Variants in EEF1AKMT1 observed in about 807,000 individuals in gnomAD.
EEF1AKMT1 encodes the protein N-6 adenine-specific DNA methyltransferase 2 (putative).
A neutral mutation model predicts 21.0 loss-of-function variants in EEF1AKMT1; 18 were observed. The observed-to-expected ratio is 0.86, with a 90% CI of 0.59 to 1.27. The LOEUF (loss-of-function observed/expected upper bound fraction) is 1.27, where lower values mean the gene tolerates loss of function less well. EEF1AKMT1 is among the 50% of genes most tolerant of loss of function. The pLI is 0.00. For missense variants in EEF1AKMT1, 246 were observed against 258.6 expected, an observed-to-expected ratio of 0.95 and a Z score of 0.33; for synonymous variants, 109 against 94.8, an observed-to-expected ratio of 1.15 and a Z score of -0.87.
intron 1 of EEF1AKMT1, among the ~76,000 whole-genome samples, chr13:20,759,356 G>C (rs1342534996): frequency 2.0e-5 from 3 of 152,188 alleles, no homozygotes; most frequent in Non-Finnish European, 4.4e-5. Context: ...GAGGCGGGTG[G>C]ATCATGAGGT....
At chr13:20,763,149 G>T (rs914045369) in intron 1 of EEF1AKMT1, among the ~76,000 whole-genome samples, 1 of 151,952 alleles carries the variant, frequency 6.6e-6, no homozygotes, top group Non-Finnish European at 1.5e-5. Context: ...AGGTAATATT[G>T]GTCTCATCAA....
chr13:20,748,233 G>A (rs982723288), intron 2 of EEF1AKMT1, among the ~76,000 whole-genome samples: 5 of 152,104 alleles, frequency 3.3e-5, no homozygotes, highest in African/African-American at 4.8e-5. Context: ...TCAGGAGATT[G>A]AGACCATCTG....
chr13:20,742,623 A>C (rs1049138006), intron 2 of EEF1AKMT1, among the ~76,000 whole-genome samples: 2 of 152,174 alleles, frequency 1.3e-5, no homozygotes, highest in African/African-American at 4.8e-5. Flanking sequence ...TTACACCTTT[A>C]ACTCCATTTG....
chr13:20,745,957 A>T (rs1167585318), intron 2 of EEF1AKMT1, among the ~76,000 whole-genome samples: 1 of 152,254 alleles, frequency 6.6e-6, no homozygotes, highest in African/African-American at 2.4e-5. Context: ...TGAAAACATT[A>T]ATAACACATC....
chr13:20,763,116 T>C (rs547470502), intron 1 of EEF1AKMT1, among the ~76,000 whole-genome samples: 40 of 152,368 alleles, frequency 2.6e-4, no homozygotes, highest in African/African-American at 8.2e-4. Flanking sequence ...TCGGTCTTTG[T>C]ATTGTCTTTG....
At chr13:20,760,123 A>AAAAAGAAGTCAAAAAATAAC (rs1555327133) in intron 1 of EEF1AKMT1, among the ~76,000 whole-genome samples, 1 of 127,468 alleles carries the variant, frequency 7.8e-6, no homozygotes, top group South Asian at 2.6e-4. Flanking sequence ...AAAAAAAAAA[A>AAAAAGAAGTCAAAAAATAAC]AAGTCAAAAA....
intron 2 of EEF1AKMT1, among the ~76,000 whole-genome samples, chr13:20,739,037 G>A (rs867337490): frequency 2.0e-5 from 3 of 152,150 alleles, no homozygotes; most frequent in South Asian, 2.1e-4. Flanking sequence ...ATGTTCAGAC[G>A]TATTCAAAGT....
intron 2 of EEF1AKMT1, among the ~76,000 whole-genome samples, chr13:20,738,438 A>G (rs1196575504): frequency 6.6e-6 from 1 of 152,234 alleles, no homozygotes; most frequent in Non-Finnish European, 1.5e-5. Flanking sequence ...TGGAAGAAGT[A>G]GCATGGTTTT....
intron 2 of EEF1AKMT1, among the ~76,000 whole-genome samples, chr13:20,740,374 C>A (rs2058862622): frequency 6.6e-6 from 1 of 152,270 alleles, no homozygotes; most frequent in African/African-American, 2.4e-5. Context: ...GAGAGGGGCT[C>A]CCACAGTGCA....
intron 2 of EEF1AKMT1, among the ~76,000 whole-genome samples, chr13:20,746,606 T>TA (rs1294826679): frequency 6.6e-6 from 1 of 152,204 alleles, no homozygotes; most frequent in Non-Finnish European, 1.5e-5. Context: ...TCATGCACCG[T>TA]AAGTGGTAAG....
intron 1 of EEF1AKMT1, among the ~76,000 whole-genome samples, chr13:20,762,244 G>A (rs1181001873): frequency 6.8e-6 from 1 of 147,692 alleles, no homozygotes; most frequent in Non-Finnish European, 1.5e-5. Context: ...GTGCAGTGGT[G>A]CATTCTTGGC....
intron 4 of EEF1AKMT1, among the ~76,000 whole-genome samples, chr13:20,729,595 T>C (rs186211164): frequency 2.9e-4 from 44 of 152,198 alleles, no homozygotes; most frequent in African/African-American, 1.0e-3. Context: ...CCTTTTTCAG[T>C]AATATCCAAT....
At chr13:20,761,698 G>A (rs1242535712) in intron 1 of EEF1AKMT1, among the ~76,000 whole-genome samples, 1 of 152,218 alleles carries the variant, frequency 6.6e-6, no homozygotes, top group Non-Finnish European at 1.5e-5. Context: ...CCTGTACTAT[G>A]AGGTTTACTG....
Position 20,742,357 on chromosome 13 carries a change from A to G in EEF1AKMT1, c.145-4552T>C, listed in dbSNP as rs183542740. Among the ~76,000 whole-genome samples, 250 of 123,600 alleles carry G rather than the reference A, an allele frequency of 2.0e-3. 3 individuals carry two copies. The East Asian group carries it at 0.036, about 18-fold the overall frequency. The allele number at this position is 123,600 out of a possible 152,430, so 81.1% of individuals were successfully genotyped here. On this transcript the variant is annotated intron_variant, in intron 2 of 4. Coordinates refer to ENST00000382758, the MANE Select transcript of EEF1AKMT1 (RefSeq NM_001318939.2). ...AGAAGATCTTTATACAGTCTTTGAG[A>G]AAAAAAAAATGACAGGTGTCAAATA... is the stretch of plus-strand genomic sequence containing the variant.
intron 2 of EEF1AKMT1, among the ~76,000 whole-genome samples, chr13:20,744,523 T>C (rs1304793566): frequency 3.3e-5 from 5 of 152,224 alleles, no homozygotes; most frequent in Admixed American, 3.3e-4. Context: ...TTGCCCACTT[T>C]TTGATGGGGC....
At chr13:20,748,878 C>T (rs548299458) in intron 2 of EEF1AKMT1, among the ~76,000 whole-genome samples, 86 of 151,924 alleles carry the variant, frequency 5.7e-4, no homozygotes, top group African/African-American at 1.9e-3. Context: ...TACAGGCACG[C>T]GCCACCATAC....
intron 3 of EEF1AKMT1, among the ~76,000 whole-genome samples, chr13:20,737,284 A>T (rs2058831247): frequency 1.3e-5 from 2 of 152,092 alleles, no homozygotes; most frequent in Admixed American, 1.3e-4. Context: ...GAATTGCTTG[A>T]ATCTGGGAGG....
intron 1 of EEF1AKMT1, 98 bp from the exon 2 acceptor site, chr13:20,757,715 C>A: frequency 1.1e-6 from 1 of 949,358 alleles, no homozygotes; most frequent in Non-Finnish European, 1.5e-6. Context: ...AGGATCCAAA[C>A]TGAAGTGAGT....
At chr13:20,765,421 T>TTTG (rs1457510914) in intron 1 of EEF1AKMT1, among the ~76,000 whole-genome samples, 6 of 133,468 alleles carry the variant, frequency 4.5e-5, no homozygotes, top group African/African-American at 1.7e-4. Context: ...TTTTTTTTTT[T>TTTG]TTTTTTTTTG....
Sources: gnomAD v4.1 joint callset for allele counts (sites outside exome capture counted in the v4.1 genomes callset) on GRCh38, gnomAD v4.1.1 for gene constraint, MANE v1.5 for transcripts, NCBI Gene and HGNC (gene_info 2026-07-23, HGNC 2026-07-21) for gene names.